DEPTOR: variants seen among roughly 807,000 people sequenced by gnomAD.
DEPTOR encodes the protein DEP domain-containing mTOR-interacting protein.
DEPTOR carries 41 observed loss-of-function variants against 41.6 expected under a neutral mutation model. That is an observed-to-expected ratio of 0.98 (90% CI 0.77 to 1.28). The LOEUF (loss-of-function observed/expected upper bound fraction) is 1.28. Ranked by LOEUF, DEPTOR falls within the 50% of genes most tolerant of loss-of-function variation. The pLI, the probability that DEPTOR is intolerant of heterozygous loss-of-function variation, is 0.00. For synonymous variants in DEPTOR, 195 were observed against 192.3 expected (o/e 1.01, Z -0.12); for missense variants, 514 against 527.9 (o/e 0.97, Z 0.26).
chr8:120,014,474 C>T (rs890426209), intron 8 of DEPTOR, among the ~76,000 whole-genome samples: 2 of 152,134 alleles, frequency 1.3e-5, no homozygotes, highest in African/African-American at 4.8e-5. Flanking sequence ...AAAAATCTGT[C>T]TCTTATCTCT....
intron 3 of DEPTOR, among the ~76,000 whole-genome samples, chr8:119,940,889 C>T (rs1828194323): frequency 6.6e-6 from 1 of 151,880 alleles, no homozygotes; most frequent in Non-Finnish European, 1.5e-5. Context: ...GTGTGAGGCA[C>T]CTAGAACAGT....
chr8:120,048,905 A>G (rs971768916), intron 8 of DEPTOR, among the ~76,000 whole-genome samples: 38 of 152,310 alleles, frequency 2.5e-4, no homozygotes, highest in African/African-American at 8.7e-4. Context: ...TTAAATCTGT[A>G]TCTTTGATTC....
chr8:119,959,142 TTTTC>T (rs1414153811), intron 3 of DEPTOR, among the ~76,000 whole-genome samples: 21 of 150,938 alleles, frequency 1.4e-4, no homozygotes, highest in African/African-American at 3.9e-4. Context: ...GGCTATTTCT[TTTTC>T]TTTCTTTCTT....
chr8:120,047,783 C>T (rs1425968090), intron 8 of DEPTOR, among the ~76,000 whole-genome samples: 2 of 152,164 alleles, frequency 1.3e-5, no homozygotes, highest in Non-Finnish European at 2.9e-5. Context: ...TGGTGGCTCA[C>T]ACCTATAATC....
chr8:119,979,945 AC>A (rs1448861019), intron 4 of DEPTOR, among the ~76,000 whole-genome samples: 3 of 151,996 alleles, frequency 2.0e-5, no homozygotes, highest in African/African-American at 7.2e-5. Context: ...AACTGGAAAA[AC>A]TCTTGATCAT....
intron 1 of DEPTOR, among the ~76,000 whole-genome samples, chr8:119,918,530 G>A (rs1827845136): frequency 6.6e-6 from 1 of 151,892 alleles, no homozygotes; most frequent in Non-Finnish European, 1.5e-5. Context: ...GCACAATCTC[G>A]GCTCACTGCA....
intron 8 of DEPTOR, among the ~76,000 whole-genome samples, chr8:120,012,673 A>C (rs1288364991): frequency 6.6e-6 from 1 of 152,014 alleles, no homozygotes; most frequent in Non-Finnish European, 1.5e-5. Flanking sequence ...AGTAGCTGGG[A>C]CTACAGGCAC....
intron 3 of DEPTOR, among the ~76,000 whole-genome samples, chr8:119,963,846 CAA>C (rs1338515084): frequency 2.0e-5 from 3 of 152,122 alleles, no homozygotes; most frequent in Non-Finnish European, 2.9e-5. Flanking sequence ...GGGAGGATTT[CAA>C]AAGAGTCACC....
chr8:119,897,034 A>C (rs1462089888), intron 1 of DEPTOR, among the ~76,000 whole-genome samples: 1 of 152,214 alleles, frequency 6.6e-6, no homozygotes, highest in Non-Finnish European at 1.5e-5. Context: ...GTGTATGTGT[A>C]TATGTACACA....
intron 3 of DEPTOR, among the ~76,000 whole-genome samples, chr8:119,931,420 T>G (rs1828042106): frequency 6.6e-6 from 1 of 152,116 alleles, no homozygotes. Flanking sequence ...AGAACCTACC[T>G]CCTAGTGCTG....
chr8:119,993,110 A>G (rs1812201436), intron 4 of DEPTOR, among the ~76,000 whole-genome samples: 1 of 152,146 alleles, frequency 6.6e-6, no homozygotes, highest in Non-Finnish European at 1.5e-5. Flanking sequence ...AATCATCCTA[A>G]TAATATATAA....
chr8:119,917,196 A>G (rs1827825344), intron 1 of DEPTOR, among the ~76,000 whole-genome samples: 2 of 152,218 alleles, frequency 1.3e-5, no homozygotes, highest in African/African-American at 2.4e-5. Flanking sequence ...GGCTTTGTGA[A>G]ATTATGTTGG....
In DEPTOR at chr8:120,049,679, A is replaced by G; in HGVS notation, c.1205A>G (p.Glu402Gly). ...ACGGGCCCACGGACGATTGTCATGGAAGTCATGGAGGAGTTAGAGTGCTGA... is the reference window on the plus strand; with the variant it reads ...ACGGGCCCACGGACGATTGTCATGGGAGTCATGGAGGAGTTAGAGTGCTGA... ...ILTGPRTIVM[E>G]VMEELEC The change falls in exon 9 of 9, where the codon GAA (glutamate) becomes GGA (glycine). Residue 402 changes from glutamate (E) to glycine (G), a missense_variant. Transcript: ENST00000286234. The G allele has an allele frequency of 6.2e-7, 1 of 1,614,010 alleles. No homozygotes were observed. Among genetic ancestry groups the G allele is most frequent in the Non-Finnish European group, 8.5e-7 (1 of 1,179,894 alleles).
At chr8:119,998,308 A>T (rs541540396) in intron 4 of DEPTOR, among the ~76,000 whole-genome samples, 2 of 152,032 alleles carry the variant, frequency 1.3e-5, no homozygotes, top group Admixed American at 6.5e-5. Context: ...CTGGTCTCCA[A>T]CTCCTGACCT....
Position 120,003,057 on chromosome 8 carries a change from A to G in DEPTOR, c.871A>G (p.Ser291Gly). 1 of 1,612,258 alleles carries G rather than the reference A, an allele frequency of 6.2e-7. No homozygotes were observed. Among genetic ancestry groups the G allele is most frequent in the Non-Finnish European group, 8.5e-7 (1 of 1,179,586 alleles). Reference protein sequence around the residue: ...MSSCGSSGYFSSSPTLSSSPP... With the variant: ...MSSCGSSGYFGSSPTLSSSPP... ...CAGCTGTGGCAGCAGCGGCTACTTC[A>G]GCAGCAGCCCCACCCTCAGCAGCAG... The change falls in exon 6 of 9, where the codon AGC (serine) becomes GGC (glycine). Residue 291 changes from serine to glycine, a missense_variant. Ser to Gly is a moderately conservative substitution (Grantham distance 56). Coordinates refer to ENST00000286234, the MANE Select transcript of DEPTOR (RefSeq NM_022783.4).
intron 8 of DEPTOR, among the ~76,000 whole-genome samples, chr8:120,031,156 C>A (rs903265245): frequency 3.4e-4 from 51 of 152,032 alleles, no homozygotes; most frequent in African/African-American, 1.1e-3. Flanking sequence ...CATAGTGAGA[C>A]CCCATCTCTA....
intron 4 of DEPTOR, among the ~76,000 whole-genome samples, chr8:119,972,342 G>C (rs967209677): frequency 6.6e-6 from 1 of 152,148 alleles, no homozygotes; most frequent in Non-Finnish European, 1.5e-5. Flanking sequence ...CATGCTGAAG[G>C]CTGGGCATTG....
At chr8:119,974,744 C>T (rs1828676368) in intron 4 of DEPTOR, among the ~76,000 whole-genome samples, 2 of 151,878 alleles carry the variant, frequency 1.3e-5, no homozygotes, top group South Asian at 4.2e-4. Flanking sequence ...TGCACTCCAG[C>T]CTGGGCGACA....
chr8:120,042,835 T>G (rs1027835340), intron 8 of DEPTOR, among the ~76,000 whole-genome samples: 2 of 151,826 alleles, frequency 1.3e-5, no homozygotes, highest in African/African-American at 2.4e-5. Context: ...TTTATTTTTA[T>G]TTTTTTAATT....
Sources: gnomAD v4.1 joint callset for allele counts (sites outside exome capture counted in the v4.1 genomes callset) on GRCh38, gnomAD v4.1.1 for gene constraint, MANE v1.5 for transcripts, NCBI Gene and HGNC (gene_info 2026-07-23, HGNC 2026-07-21) for gene names.